The following FAM184A variants were observed in gnomAD, a reference collection of about 807,000 sequenced individuals.
FAM184A encodes family with sequence similarity 184 member A.
A neutral mutation model predicts 143.8 loss-of-function variants in FAM184A; 99 were observed. That is an observed-to-expected ratio of 0.69 (90% CI 0.58 to 0.81). FAM184A has a LOEUF of 0.81. Among genes scored for constraint, FAM184A ranks in the 40% least tolerant of loss-of-function variants. FAM184A has a pLI of 0.00. For missense variants in FAM184A, 1,217 were observed against 1,310.5 expected (o/e 0.93, Z 1.10); for synonymous variants, 427 against 446.4 (o/e 0.96, Z 0.55).
chr6:119,068,287 G>A (rs1222423098), intron 1 of FAM184A, among the ~76,000 whole-genome samples: 1 of 151,952 alleles, frequency 6.6e-6, no homozygotes, highest in African/African-American at 2.4e-5. Flanking sequence ...CTTCAAGTGT[G>A]ATCCACCCAC....
At chr6:119,081,831 C>T (rs562545024), upstream of FAM184A, among the ~76,000 whole-genome samples, 149 of 152,314 alleles carry the variant, frequency 9.8e-4, no homozygotes, top group Admixed American at 4.4e-3. Context: ...TTGCTCTCAA[C>T]GTCCAGCTGC....
chr6:119,003,436 A>G, intron 8 of FAM184A, 65 bp downstream of exon 8: 1 of 1,475,150 alleles, frequency 6.8e-7, no homozygotes, highest in Non-Finnish European at 9.3e-7. Context: ...GGATAATGTG[A>G]GTCATACAAG....
intron 9 of FAM184A, among the ~76,000 whole-genome samples, chr6:118,981,537 G>A (rs987589049): frequency 8.5e-5 from 13 of 152,174 alleles, no homozygotes; most frequent in Non-Finnish European, 7.4e-5. Context: ...CCTCACATGC[G>A]TCACAAAGAA....
chr6:119,003,176 G>T, intron 8 of FAM184A, 127 bp from the exon 9 acceptor site: 2 of 856,468 alleles, frequency 2.3e-6, no homozygotes, highest in East Asian at 2.8e-5. Flanking sequence ...GAGGAAAGCA[G>T]ATTATTTACT....
intron 1 of FAM184A, among the ~76,000 whole-genome samples, chr6:119,086,844 C>T (rs560284259): frequency 1.7e-4 from 26 of 152,228 alleles, no homozygotes; most frequent in Admixed American, 1.1e-3. Context: ...AGTTAGCAGG[C>T]TATTGCACTT....
At chr6:119,005,308 A>T (rs894722955) in intron 7 of FAM184A, 6 of 152,236 alleles carry the variant, frequency 3.9e-5, no homozygotes, top group Admixed American at 3.9e-4. Flanking sequence ...AAATGAAGTA[A>T]TTTATTGTCA....
chr6:119,113,071 G>A (rs909753626), intron 1 of FAM184A, among the ~76,000 whole-genome samples: 2 of 152,126 alleles, frequency 1.3e-5, no homozygotes, highest in African/African-American at 2.4e-5. Context: ...GGTCCACACC[G>A]CCCCAGTATG....
At chr6:119,043,637 TC>T (rs1354072789) in intron 1 of FAM184A, among the ~76,000 whole-genome samples, 1 of 152,084 alleles carries the variant, frequency 6.6e-6, no homozygotes, top group Non-Finnish European at 1.5e-5. Flanking sequence ...CTGCCCCACC[TC>T]GGCACCTTTA....
intron 9 of FAM184A, among the ~76,000 whole-genome samples, chr6:118,984,160 T>A (rs6901257): frequency 0.28 from 21,128 of 76,320 alleles, 1,956 homozygotes; most frequent in South Asian, 0.34. Flanking sequence ...AAAAAAAAAA[T>A]ATATATATAT....
intron 1 of FAM184A, among the ~76,000 whole-genome samples, chr6:119,088,426 A>T (rs1238955993): frequency 1.1e-4 from 17 of 152,184 alleles, no homozygotes; most frequent in Non-Finnish European, 1.5e-5. Context: ...GGTCATGGTT[A>T]GCTAAAGAGG....
chr6:119,110,935 G>A lies in FAM184A; in HGVS notation c.-202+38143C>T, dbSNP rs188636510. Among the ~76,000 whole-genome samples, 382 of 152,300 alleles carry A rather than the reference G, an allele frequency of 2.5e-3. 10 individuals are homozygous for A. Among genetic ancestry groups the A allele is most frequent in the Non-Finnish European group, 5.9e-4 (40 of 68,028 alleles). On this transcript the variant is annotated intron_variant, in intron 1 of 16. Coordinates refer to the FAM184A transcript ENST00000352896. ...TCATGAATATTTGCTGCCACCTGCA[G>A]TTTAAACTTGATATTCACTCTGGTC...
At chr6:119,023,195 C>A in intron 2 of FAM184A, 115 bp from the exon 3 acceptor site, 2 of 1,070,622 alleles carry the variant, frequency 1.9e-6, no homozygotes, top group Non-Finnish European at 2.7e-6. Flanking sequence ...AAACTATATA[C>A]CAATTTTTAA....
intron 9 of FAM184A, among the ~76,000 whole-genome samples, chr6:118,990,233 C>T (rs1444269430): frequency 6.6e-6 from 1 of 152,154 alleles, no homozygotes; most frequent in Non-Finnish European, 1.5e-5. Flanking sequence ...AAGGTGTCAT[C>T]AGACAAAATA....
chr6:118,999,359 AC>A (rs1784678562), intron 9 of FAM184A, among the ~76,000 whole-genome samples: 1 of 152,056 alleles, frequency 6.6e-6, no homozygotes, highest in African/African-American at 2.4e-5. Context: ...TTTTCCACAA[AC>A]CTTTGACAGA....
In FAM184A at chr6:119,078,060, G is replaced by A. The variant is rs1443552490; in HGVS notation, c.159+81C>T. ...GAGTTCCCCTCGCTGCGGGCGCAGG[G>A]CGCACTGCCTCCCGGGGAGACAGGT... On this transcript the variant is annotated intron_variant, in intron 1 of 17. Coordinates refer to ENST00000338891, the MANE Select transcript of FAM184A (RefSeq NM_024581.6). The surrounding 1 kb of genome is among the most constrained non-coding windows in gnomAD (Gnocchi z 5.5). 1.4e-6 allele frequency: 2 copies of A among 1,472,718 alleles called. No homozygotes were observed. Among genetic ancestry groups the A allele is most frequent in the Admixed American group, 2.1e-5 (1 of 47,230 alleles). 91.2% of individuals were successfully genotyped at this position (1,472,718 alleles called of 1,614,324 possible). A position where few individuals can be genotyped will look rare whatever the true frequency, so the allele number is the denominator to read the frequency against.
intron 3 of FAM184A, 72 bp downstream of exon 3, chr6:119,022,873 T>A: frequency 6.3e-7 from 1 of 1,584,976 alleles, no homozygotes; most frequent in Non-Finnish European, 8.6e-7. Flanking sequence ...CAAGACTCTG[T>A]CTCCAAAAAA....
rs188529488 is a variant in FAM184A at position 119,148,050 on chromosome 6, T to A, written c.-202+1028A>T. ...TCTCATTTGGTTGGTCTTTGTCTAT[T>A]TCCATGGAACCTATAACCTGCTTAC... On this transcript the variant is annotated intron_variant, in intron 1 of 16. Coordinates refer to the FAM184A transcript ENST00000352896. 2.6e-5 allele frequency among the ~76,000 whole-genome samples: 4 copies of A among 152,336 alleles called. No homozygotes were observed. The East Asian group carries it at 7.7e-4, about 29-fold the overall frequency.
chr6:119,020,102 A>G lies in FAM184A; in HGVS notation c.1208T>C (p.Leu403Ser), dbSNP rs769191438. Residue 403 changes from leucine (L) to serine (S), a missense_variant, in exon 4 of 18, where the codon TTA becomes TCA. Physicochemically the swap from Leu to Ser is moderately radical, Grantham distance 145. Coordinates refer to ENST00000338891, the MANE Select transcript of FAM184A (RefSeq NM_024581.6). ...ATTGACTCTCGATTTTTCTGATTCT[A>G]AATCTTTAATTGTAACTTCCTGGGT... ...QMTQEVTIKD[L>S]ESEKSRVNER... The G allele has an allele frequency of 1.9e-6, 3 of 1,610,006 alleles. No individual in the cohort carries two copies. The highest frequency in any genetic ancestry group is 2.5e-6 in the Non-Finnish European group (3 of 1,178,924).
intron 4 of FAM184A, among the ~76,000 whole-genome samples, chr6:119,017,530 T>G (rs1297387244): frequency 2.0e-5 from 3 of 152,002 alleles, no homozygotes; most frequent in Admixed American, 6.6e-5. Flanking sequence ...GGCTTCCTTT[T>G]ATGTCAAAAT....
Sources: allele counts gnomAD v4.1 joint callset (sites outside exome capture counted in the v4.1 genomes callset), GRCh38; gene constraint gnomAD v4.1.1; non-coding constraint Gnocchi (gnomAD v3.1); transcripts MANE v1.5; gene names NCBI Gene and HGNC (gene_info 2026-07-23, HGNC 2026-07-21).